CCDC91: variants seen among roughly 807,000 people sequenced by gnomAD.
CCDC91 encodes coiled-coil domain-containing protein 91.
A neutral mutation model predicts 63.2 loss-of-function variants in CCDC91; 48 were observed. The ratio of observed to expected loss-of-function variants is 0.76; its 90% CI spans 0.60 to 0.97. The LOEUF (loss-of-function observed/expected upper bound fraction) is 0.97, where lower values mean the gene tolerates loss of function less well. Among genes scored for constraint, CCDC91 ranks in the 50% least tolerant of loss-of-function variants. CCDC91 has a pLI of 0.00. For synonymous variants in CCDC91, 167 were observed against 165.8 expected (o/e 1.01, Z -0.06); for missense variants, 500 against 494.6 (o/e 1.01, Z -0.10).
intron 3 of CCDC91, among the ~76,000 whole-genome samples, chr12:28,273,834 C>T (rs1490386340): frequency 6.6e-6 from 1 of 152,128 alleles, no homozygotes; most frequent in Non-Finnish European, 1.5e-5. Flanking sequence ...TGCAGAAACT[C>T]TTTAGTTTAA....
chr12:28,365,805 T>C (rs553172020), intron 7 of CCDC91, among the ~76,000 whole-genome samples: 1 of 152,190 alleles, frequency 6.6e-6, no homozygotes. Flanking sequence ...CTTCACACTT[T>C]TACCTCTCCC....
chr12:28,537,883 C>T (rs1200560588), intron 12 of CCDC91, among the ~76,000 whole-genome samples: 5 of 152,106 alleles, frequency 3.3e-5, no homozygotes, highest in African/African-American at 4.8e-5. Flanking sequence ...TGGCTATTTC[C>T]AGCTGGGAGG....
chr12:28,460,035 C>A (rs1271385459), intron 11 of CCDC91, among the ~76,000 whole-genome samples: 2 of 152,018 alleles, frequency 1.3e-5, no homozygotes, highest in Non-Finnish European at 2.9e-5. Context: ...TTTTCCATCC[C>A]CATGTTCCAA....
In CCDC91 at chr12:28,427,733, G is replaced by A. The variant is rs138435436; in HGVS notation, c.763-22428G>A. 1.2e-3 allele frequency among the ~76,000 whole-genome samples: 179 copies of A among 152,320 alleles called. 2 individuals are homozygous for A. Among genetic ancestry groups the A allele is most frequent in the Middle Eastern group, 3.4e-3 (1 of 294 alleles). On this transcript the variant is annotated intron_variant, in intron 8 of 12. Transcript: ENST00000536442. ...CTGTGACAGTTCAGATGGATATAAG[G>A]AGACATCATTGATCTTTAGTTTGTT...
intron 1 of CCDC91, among the ~76,000 whole-genome samples, chr12:28,234,651 A>C (rs780654385): frequency 6.6e-6 from 1 of 152,190 alleles, no homozygotes; most frequent in Non-Finnish European, 1.5e-5. Flanking sequence ...ACACTGTGAG[A>C]ATCAAAGGTA....
At chr12:28,287,419 C>G (rs778357970) in intron 3 of CCDC91, among the ~76,000 whole-genome samples, 3 of 152,120 alleles carry the variant, frequency 2.0e-5, no homozygotes, top group Non-Finnish European at 4.4e-5. Context: ...TTTCAATCTT[C>G]TATATGTGGC....
At chr12:28,511,448 T>A (rs1348312609) in intron 12 of CCDC91, among the ~76,000 whole-genome samples, 3 of 151,776 alleles carry the variant, frequency 2.0e-5, no homozygotes, top group Non-Finnish European at 4.4e-5. Flanking sequence ...CAATGCATTA[T>A]TTTTTTTCCT....
chr12:28,291,865 T>C (rs1274641476), intron 3 of CCDC91, among the ~76,000 whole-genome samples: 1 of 152,182 alleles, frequency 6.6e-6, no homozygotes, highest in African/African-American at 2.4e-5. Flanking sequence ...TCTTGTATAG[T>C]TGATCAGCCT....
At chr12:28,460,131 A>G (rs1047812585) in intron 11 of CCDC91, among the ~76,000 whole-genome samples, 6 of 152,170 alleles carry the variant, frequency 3.9e-5, no homozygotes, top group African/African-American at 1.4e-4. Flanking sequence ...TGTTCACAGT[A>G]AGAAAATGAG....
At chr12:28,387,385 G>T (rs1316363824) in intron 7 of CCDC91, among the ~76,000 whole-genome samples, 18 of 151,070 alleles carry the variant, frequency 1.2e-4, no homozygotes, top group African/African-American at 4.4e-4. Flanking sequence ...TATTAGTTTT[G>T]TTTTTAATTT....
chr12:28,350,728 C>T (rs1216743329), intron 6 of CCDC91, among the ~76,000 whole-genome samples: 1 of 152,182 alleles, frequency 6.6e-6, no homozygotes, highest in African/African-American at 2.4e-5. Context: ...AAACTCTTTC[C>T]TGTTCTCCTC....
intron 12 of CCDC91, among the ~76,000 whole-genome samples, chr12:28,506,182 G>A (rs1938687067): frequency 6.6e-6 from 1 of 151,912 alleles, no homozygotes; most frequent in Non-Finnish European, 1.5e-5. Context: ...TTAGGAAAAG[G>A]GAATTTGTTG....
intron 6 of CCDC91, among the ~76,000 whole-genome samples, chr12:28,321,466 GT>G (rs1940493663): frequency 6.6e-6 from 1 of 151,850 alleles, no homozygotes; most frequent in Non-Finnish European, 1.5e-5. Flanking sequence ...GGATTGAATG[GT>G]TTCCCCCTAA....
intron 5 of CCDC91, 64 bp downstream of exon 5, chr12:28,307,009 A>C: frequency 9.1e-7 from 1 of 1,097,168 alleles, no homozygotes; most frequent in South Asian, 1.5e-5. Flanking sequence ...TATAATCTCA[A>C]ACTCTGATTA....
chr12:28,241,678 A>G (rs1293225515), intron 1 of CCDC91, among the ~76,000 whole-genome samples: 2 of 152,064 alleles, frequency 1.3e-5, no homozygotes, highest in Admixed American at 1.3e-4. Flanking sequence ...AGGGCATGTT[A>G]CTAGAAGAGG....
In CCDC91 at chr12:28,474,641, T is replaced by C. The variant is rs560206910; in HGVS notation, c.1102-9411T>C. Among the ~76,000 whole-genome samples the C allele has an allele frequency of 5.3e-5, 8 of 152,198 alleles. No homozygotes were observed. In the South Asian group the frequency reaches 1.7e-3, roughly 32 times the overall value. On this transcript the variant is annotated intron_variant, in intron 11 of 12. Coordinates refer to ENST00000536442, the MANE Select transcript of CCDC91 (RefSeq NM_018318.5). ...AAGATAGGGGGACTAAAAATATCTA[T>C]GTGTTAGATTTTGCAGTGTTTCTAA...
chr12:28,549,198 G>T lies in CCDC91; in HGVS notation c.*25G>T. 1 of 1,258,542 alleles carries T rather than the reference G, an allele frequency of 7.9e-7. No homozygotes were observed. The highest frequency in any genetic ancestry group is 1.2e-6 in the Non-Finnish European group (1 of 857,714). 78.0% of individuals were successfully genotyped at this position (1,258,542 alleles called of 1,614,324 possible). ...AAAAGAACATGACAAACCCACACTG[G>T]CATTGGATAAATCATATTACACCTT... On this transcript the variant is annotated 3_prime_UTR_variant, in exon 13 of 13. Transcript: ENST00000536442.
chr12:28,267,762 TATATAATTATA>T (rs1361453817), intron 3 of CCDC91, among the ~76,000 whole-genome samples: 2 of 42,018 alleles, frequency 4.8e-5, no homozygotes, highest in African/African-American at 6.2e-5. Context: ...TATATAATTA[TATATAATTATA>T]TTATTAATAT....
chr12:28,307,645 G>T lies in CCDC91; in HGVS notation c.472G>T (p.Asp158Tyr), dbSNP rs749860068. The T allele has an allele frequency of 4.8e-6, 7 of 1,459,048 alleles. No individual in the cohort carries two copies. Among genetic ancestry groups the T allele is most frequent in the Non-Finnish European group, 9.4e-7 (1 of 1,067,220 alleles). 90.4% of individuals were successfully genotyped at this position (1,459,048 alleles called of 1,614,324 possible). Residue 158 changes from aspartate to tyrosine, a missense_variant and splice_region_variant, in exon 6 of 13, where the codon GAT (aspartate) becomes TAT (tyrosine). By Grantham distance (160) the Asp-to-Tyr change is radical. Coordinates refer to ENST00000536442, the MANE Select transcript of CCDC91 (RefSeq NM_018318.5). ...SEEEKQRIKQDVESLMEKHNV... is the reference protein window; with the variant it reads ...SEEEKQRIKQYVESLMEKHNV... The stretch of plus-strand genomic sequence containing the variant: ...GCTTGTATTTGTATTTTTATTTTAG[G>T]ATGTGGAATCATTGATGGAAAAGCA...
Sources: gnomAD v4.1 joint callset for allele counts (sites outside exome capture counted in the v4.1 genomes callset) on GRCh38, gnomAD v4.1.1 for gene constraint, MANE v1.5 for transcripts, NCBI Gene and HGNC (gene_info 2026-07-23, HGNC 2026-07-21) for gene names.